The following IDH2 variants were observed in gnomAD, a reference collection of about 807,000 sequenced individuals.
The protein encoded by IDH2 is isocitrate dehydrogenase [NADP], mitochondrial.
A neutral mutation model predicts 50.5 loss-of-function variants in IDH2; 18 were observed. The ratio of observed to expected loss-of-function variants is 0.36; its 90% confidence interval spans 0.25 to 0.53. The LOEUF is 0.53. IDH2 is among the 20% of genes least tolerant of loss of function. IDH2 has a pLI of 0.92. For synonymous variants in IDH2, 280 were observed against 239.8 expected (o/e 1.17, Z -1.55); for missense variants, 518 against 610.7 (o/e 0.85, Z 1.60).
rs772066476 is a variant in IDH2, at chr15:90,091,613, G to A, written c.147C>T (p.Pro49=). 2.5e-6 allele frequency: 4 copies of A among 1,614,198 alleles called. No individual in the cohort carries two copies. Among genetic ancestry groups the A allele is most frequent in the South Asian group, 1.1e-5 (1 of 91,092 alleles). ...TCTCATCACCATCCATCTCCACCAC[G>A]GGCTTCGCCACCTTGATCCTTTTGT... is the stretch of plus-strand genomic sequence containing the variant. ...YADKRIKVAK[P]VVEMDGDEMT... Residue 49 remains proline (P), a synonymous_variant, in exon 2 of 11, where the codon CCC becomes CCT. Transcript: ENST00000330062.
chr15:90,094,448 C>G (rs1180582975), intron 1 of IDH2, among the ~76,000 whole-genome samples: 1 of 152,230 alleles, frequency 6.6e-6, no homozygotes, highest in Non-Finnish European at 1.5e-5. Flanking sequence ...ACCAGCTCAG[C>G]TGAGAGCTGT....
At chr15:90,099,306 T>C (rs1901268660) in intron 1 of IDH2, among the ~76,000 whole-genome samples, 1 of 152,166 alleles carries the variant, frequency 6.6e-6, no homozygotes, top group Non-Finnish European at 1.5e-5. Context: ...TCTCTGCTCT[T>C]CCATCATGCC....
Position 90,091,457 on chromosome 15 carries a change from G to A in IDH2, c.207+96C>T, listed in dbSNP as rs1234139452. ...GCTGCTGCCTACCAGGACAACGGGG[G>A]GGTCCTAGGGACCTGCAGTCCAGAA... On this transcript the variant is annotated intron_variant, in intron 2 of 10. Coordinates refer to ENST00000330062, the MANE Select transcript of IDH2 (RefSeq NM_002168.4). The A allele has an allele frequency of 8.9e-6, 8 of 903,200 alleles. No homozygotes were observed. In the East Asian group the frequency reaches 1.7e-4, roughly 19 times the overall value. 55.9% of individuals were successfully genotyped at this position (903,200 alleles called of 1,614,324 possible). A position where few individuals can be genotyped will look rare whatever the true frequency, so the allele number is the denominator to read the frequency against.
At position 90,085,858 on chromosome 15, in the gene IDH2, C is replaced by T. The variant is rs1452455227; in HGVS notation, c.968-471G>A. Among the ~76,000 whole-genome samples, 1 of 152,216 alleles carries T rather than the reference C, an allele frequency of 6.6e-6. No individual in the cohort carries two copies. The highest frequency in any genetic ancestry group is 1.5e-5 in the Non-Finnish European group (1 of 68,026). On this transcript the variant is annotated intron_variant, in intron 7 of 10. Coordinates refer to ENST00000330062, the MANE Select transcript of IDH2 (RefSeq NM_002168.4). The surrounding 1 kb of genome is among the most constrained non-coding windows in gnomAD (Gnocchi z 5.5). Reference sequence around the variant, plus strand: ...GATTAATTTCTGAATGCTCCCAAATCCACATGTCAACTCCAGCAAGCTTTT... The same window carrying T: ...GATTAATTTCTGAATGCTCCCAAATTCACATGTCAACTCCAGCAAGCTTTT...
At chr15:90,086,709 G>C (rs1325266012) in intron 7 of IDH2, among the ~76,000 whole-genome samples, 1 of 152,126 alleles carries the variant, frequency 6.6e-6, no homozygotes, top group African/African-American at 2.4e-5. Context: ...GGGGTTTGCA[G>C]GCTTCCCCAA....
In IDH2 at chr15:90,084,492, G is replaced by C; in HGVS notation, c.1272-139C>G. The stretch of plus-strand genomic sequence containing the variant: ...CACCCAGACTACAGGCCAGAGGCCA[G>C]CTATAGCCCCCTACCATGAGGCCAC... On this transcript the variant is annotated intron_variant, in intron 10 of 10. Coordinates refer to ENST00000330062, the MANE Select transcript of IDH2 (RefSeq NM_002168.4). This position sits in a 1 kb window ranked among gnomAD's most constrained non-coding sequence, Gnocchi z 5.0. The C allele has an allele frequency of 1.3e-6, 1 of 795,880 alleles. No homozygotes were observed. The highest frequency in any genetic ancestry group is 2.1e-6 in the Non-Finnish European group (1 of 473,066). The allele number at this position is 795,880 out of a possible 1,614,324, so 49.3% of individuals were successfully genotyped here.
At chr15:90,090,376 C>T in intron 3 of IDH2, 103 bp downstream of exon 3, 1 of 1,292,484 alleles carries the variant, frequency 7.7e-7, no homozygotes, top group South Asian at 1.3e-5. Flanking sequence ...ACCTCCCAGT[C>T]CCGAGATGAG....
intron 1 of IDH2, among the ~76,000 whole-genome samples, chr15:90,093,645 G>A (rs1057080364): frequency 6.6e-6 from 1 of 151,886 alleles, no homozygotes; most frequent in African/African-American, 2.4e-5. Context: ...TTGAGACAGA[G>A]TCTTTGGTCT....
intron 5 of IDH2, 36 bp from the exon 6 acceptor site, chr15:90,087,611 C>G: frequency 6.2e-7 from 1 of 1,611,950 alleles, no homozygotes; most frequent in Non-Finnish European, 8.5e-7. Flanking sequence ...GCGTGGTGCC[C>G]TAGCCTGGCG....
intron 1 of IDH2, among the ~76,000 whole-genome samples, chr15:90,092,868 C>T (rs535414658): frequency 5.9e-5 from 9 of 152,314 alleles, no homozygotes; most frequent in African/African-American, 1.7e-4. Context: ...CGTGAGCCAC[C>T]GTGCCAGCCT....
In IDH2 at chr15:90,088,092, T is replaced by C. The variant is rs530632430; in HGVS notation, c.678+267A>G. On this transcript the variant is annotated intron_variant, in intron 5 of 10. Coordinates refer to ENST00000330062, the MANE Select transcript of IDH2 (RefSeq NM_002168.4). Reference sequence around the variant, plus strand: ...TGGAGCTGCTCGTGGCCATTTCTTTTCTTTTCTTTTCTTTTCTTTTTGTTT... The same window carrying C: ...TGGAGCTGCTCGTGGCCATTTCTTTCCTTTTCTTTTCTTTTCTTTTTGTTT... 3.2e-4 allele frequency among the ~76,000 whole-genome samples: 48 copies of C among 151,722 alleles called. No individual in the cohort carries two copies. In the East Asian group the frequency reaches 6.8e-3, roughly 21 times the overall value.
Position 90,085,001 on chromosome 15 carries a change from C to A in IDH2, c.1178G>T (p.Arg393Met), listed in dbSNP as rs1340166037. The A allele has an allele frequency of 6.2e-7, 1 of 1,613,746 alleles. No individual in the cohort carries two copies. The highest frequency in any genetic ancestry group is 2.2e-5 in the East Asian group (1 of 44,900). Residue 393 changes from arginine to methionine, a missense_variant and splice_region_variant, in exon 9 of 11, where the codon AGG becomes ATG. Physicochemically the swap from Arg to Met is moderately conservative, Grantham distance 91. Transcript: ENST00000330062. This position sits in a 1 kb window ranked among gnomAD's most constrained non-coding sequence, Gnocchi z 5.5. ...CTCCGGCCTCTCCCTCCATGCTCAC[C>A]TGATGAGGTCTTGGTTCCCATCCAG... is the stretch of plus-strand genomic sequence containing the variant. ...GKLDGNQDLI[R>M]FAQMLEKVCV...
rs1901238771 is a variant in IDH2 at position 90,098,511 on chromosome 15, T to TACGTATGTATGTATGCATGC, written c.115+3764_115+3765insGCATGCATACATACATACGT. 3.6e-5 allele frequency among the ~76,000 whole-genome samples: 5 copies of TACGTATGTATGTATGCATGC among 139,758 alleles called. No individual in the cohort carries two copies. Among genetic ancestry groups the TACGTATGTATGTATGCATGC allele is most frequent in the Non-Finnish European group, 4.8e-5 (3 of 62,852 alleles). 91.7% of individuals were successfully genotyped at this position (139,758 alleles called of 152,430 possible). A position where few individuals can be genotyped will look rare whatever the true frequency, so the allele number is the denominator to read the frequency against. ...AGCAACTTTGTATATTTTATGTATG[T>TACGTATGTATGTATGCATGC]ATGTATGTATGTATGCATGCATGTA... On this transcript the variant is annotated intron_variant, in intron 1 of 10. Transcript: ENST00000330062. The surrounding 1 kb of genome is among the most constrained non-coding windows in gnomAD (Gnocchi z 5.1).
Position 90,098,507 on chromosome 15 carries a change from T to TATGTATGTATGTATGTATGCATGC in IDH2, c.115+3745_115+3768dup, listed in dbSNP as rs1555462218. Reference sequence around the variant, plus strand: ...GGACAGCAACTTTGTATATTTTATGTATGTATGTATGTATGTATGCATGCA... The same window carrying TATGTATGTATGTATGTATGCATGC: ...GGACAGCAACTTTGTATATTTTATGTATGTATGTATGTATGTATGCATGCATGTATGTATGTATGTATGCATGCA... On this transcript the variant is annotated intron_variant, in intron 1 of 10. Transcript: ENST00000330062. This position sits in a 1 kb window ranked among gnomAD's most constrained non-coding sequence, Gnocchi z 5.1. Among the ~76,000 whole-genome samples the TATGTATGTATGTATGTATGCATGC allele has an allele frequency of 8.2e-3, 351 of 42,706 alleles. No homozygotes were observed. The highest frequency in any genetic ancestry group is 0.015 in the African/African-American group (314 of 20,546). 28.0% of individuals were successfully genotyped at this position (42,706 alleles called of 152,430 possible).
At chr15:90,088,017 T>TA (rs1900915825) in intron 5 of IDH2, among the ~76,000 whole-genome samples, 1 of 152,066 alleles carries the variant, frequency 6.6e-6, no homozygotes, top group Non-Finnish European at 1.5e-5. Flanking sequence ...GAACTGGGGA[T>TA]AAAGAGGCAT....
chr15:90,089,675 C>T (rs1428534695), intron 3 of IDH2, among the ~76,000 whole-genome samples: 1 of 152,192 alleles, frequency 6.6e-6, no homozygotes, highest in Non-Finnish European at 1.5e-5. Context: ...TACTTTCCGC[C>T]AGCTCCCTCC....
rs554169929 is a variant in IDH2 at position 90,084,831 on chromosome 15, A to G, written c.1256T>C (p.Ile419Thr). Residue 419 changes from isoleucine (I) to threonine (T), a missense_variant, in exon 10 of 11, where the codon ATT (isoleucine) becomes ACT (threonine). Ile to Thr is a moderately conservative substitution (Grantham distance 89). Coordinates refer to ENST00000330062, the MANE Select transcript of IDH2 (RefSeq NM_002168.4). This position sits in a 1 kb window ranked among gnomAD's most constrained non-coding sequence, Gnocchi z 5.0. ...GGCCACGCACTTGCTGAGGCCGTGA[A>G]TGCAGCCCGCCAGGTCCTTGGTCAT... is the stretch of plus-strand genomic sequence containing the variant. ...GAMTKDLAGCIHGLSNVKLNE... is the reference protein window; with the variant it reads ...GAMTKDLAGCTHGLSNVKLNE... 6.8e-6 allele frequency: 11 copies of G among 1,613,854 alleles called. No homozygotes were observed. The African/African-American group carries it at 1.3e-4, about 20-fold the overall frequency.
chr15:90,090,684 C>T, intron 2 of IDH2, 40 bp from the exon 3 acceptor site: 1 of 1,608,276 alleles, frequency 6.2e-7, no homozygotes. Context: ...ACCCCAGTGA[C>T]TCAGGGACAT....
At chr15:90,089,522 T>C (rs973218075) in intron 3 of IDH2, among the ~76,000 whole-genome samples, 3 of 152,162 alleles carry the variant, frequency 2.0e-5, no homozygotes, top group Non-Finnish European at 4.4e-5. Context: ...GACCCTCTCC[T>C]GCCTTGTCCA....
Sources: allele counts gnomAD v4.1 joint callset (sites outside exome capture counted in the v4.1 genomes callset), GRCh38; gene constraint gnomAD v4.1.1; non-coding constraint Gnocchi (gnomAD v3.1); transcripts MANE v1.5; gene names NCBI Gene and HGNC (gene_info 2026-07-23, HGNC 2026-07-21).